The following CRPPA variants were observed in gnomAD, a reference collection of about 807,000 sequenced individuals.
CRPPA encodes CDP-L-ribitol pyrophosphorylase A.
CRPPA carries 43 observed loss-of-function variants against 52.0 expected under a neutral mutation model. The observed-to-expected ratio is 0.83, with a 90% confidence interval of 0.65 to 1.07. The LOEUF is 1.07. CRPPA is among the 50% of genes least tolerant of loss of function. The pLI, the probability that CRPPA is intolerant of heterozygous loss-of-function variation, is 0.00. For missense variants in CRPPA, 629 were observed against 551.7 expected (o/e 1.14, Z -1.40); for synonymous variants, 250 against 203.5 (o/e 1.23, Z -1.94).
At chr7:16,360,461 A>G (rs1388323849) in intron 3 of CRPPA, among the ~76,000 whole-genome samples, 4 of 152,194 alleles carry the variant, frequency 2.6e-5, no homozygotes, top group Admixed American at 2.6e-4. Context: ...CCTCATTTCA[A>G]ATGTTACTAT....
chr7:16,344,077 C>A (rs1327307578), intron 3 of CRPPA, among the ~76,000 whole-genome samples: 1 of 152,020 alleles, frequency 6.6e-6, no homozygotes, highest in Non-Finnish European at 1.5e-5. Context: ...TAAACAGCAA[C>A]AACAAAAAAT....
At chr7:16,369,014 G>T (rs1031692137) in intron 3 of CRPPA, among the ~76,000 whole-genome samples, 1 of 152,026 alleles carries the variant, frequency 6.6e-6, no homozygotes, top group Non-Finnish European at 1.5e-5. Flanking sequence ...CAATATTTAA[G>T]AACCTAATCC....
rs1158408178 is a variant in CRPPA, at chr7:16,180,553, C to T, written c.1251+35513G>A. On this transcript the variant is annotated intron_variant, in intron 9 of 9. Coordinates refer to ENST00000407010, the MANE Select transcript of CRPPA (RefSeq NM_001101426.4). ...CTAATTTCTCTAATCTCATTACATG[C>T]GCATGTGGCAAGCATTATGTTGTTC... 5.9e-5 allele frequency among the ~76,000 whole-genome samples: 9 copies of T among 151,928 alleles called. No individual in the cohort carries two copies. In the South Asian group the frequency reaches 6.2e-4, roughly 11 times the overall value.
chr7:16,390,757 G>C (rs1284666054), intron 2 of CRPPA, among the ~76,000 whole-genome samples: 8 of 152,188 alleles, frequency 5.3e-5, no homozygotes, highest in Non-Finnish European at 7.3e-5. Context: ...CAGTTTTGGA[G>C]AACTCCAATA....
chr7:16,379,003 A>T (rs1447742879), intron 2 of CRPPA, among the ~76,000 whole-genome samples: 3 of 152,066 alleles, frequency 2.0e-5, no homozygotes, highest in Non-Finnish European at 4.4e-5. Flanking sequence ...GATTCTGGAT[A>T]TTAGCCCTTT....
rs1378443504 is a variant in CRPPA at position 16,286,063 on chromosome 7, AT to A, written c.836-7838del. 4.0e-3 allele frequency among the ~76,000 whole-genome samples: 154 copies of A among 38,420 alleles called. 14 individuals carry two copies. Among genetic ancestry groups the A allele is most frequent in the African/African-American group, 0.022 (140 of 6,438 alleles). 25.2% of individuals were successfully genotyped at this position (38,420 alleles called of 152,430 possible). On this transcript the variant is annotated intron_variant, in intron 5 of 9. Coordinates refer to ENST00000407010, the MANE Select transcript of CRPPA (RefSeq NM_001101426.4). ...AATATAAATATATATATATATATAT[AT>A]ATATATATATATATATAATATTTAA...
intron 9 of CRPPA, among the ~76,000 whole-genome samples, chr7:16,162,070 T>C (rs1320736450): frequency 1.3e-5 from 2 of 152,122 alleles, no homozygotes; most frequent in Admixed American, 1.3e-4. Context: ...ATTTGATTCT[T>C]CTCTTTTCTT....
chr7:16,307,915 GAA>G (rs34460874), intron 4 of CRPPA, among the ~76,000 whole-genome samples: 81,479 of 131,146 alleles, frequency 0.62, 24,947 homozygotes, highest in Middle Eastern at 0.71. Flanking sequence ...ACTGAGTGAA[GAA>G]AAAAAAAAAA....
At chr7:16,259,399 T>C (rs17169374) in intron 6 of CRPPA, among the ~76,000 whole-genome samples, 4,004 of 152,068 alleles carry the variant, frequency 0.026, 126 homozygotes, top group East Asian at 0.14. Context: ...ACAGTTTTAA[T>C]ACAGGGAATA....
intron 8 of CRPPA, among the ~76,000 whole-genome samples, chr7:16,233,142 AG>A (rs1410811093): frequency 6.6e-6 from 1 of 152,100 alleles, no homozygotes; most frequent in Non-Finnish European, 1.5e-5. Flanking sequence ...TAAATTAAAC[AG>A]CAAAAAAAAA....
At chr7:16,407,647 T>C (rs1015240526) in intron 1 of CRPPA, among the ~76,000 whole-genome samples, 26 of 152,178 alleles carry the variant, frequency 1.7e-4, no homozygotes, top group Non-Finnish European at 7.3e-5. Context: ...CCCAGTAATG[T>C]CTCCTACCTC....
intron 9 of CRPPA, among the ~76,000 whole-genome samples, chr7:16,167,309 C>T (rs1187239484): frequency 2.0e-5 from 3 of 152,162 alleles, no homozygotes; most frequent in Non-Finnish European, 4.4e-5. Context: ...CTATTTCCTA[C>T]CTGTTTGGGT....
chr7:16,135,249 A>G (rs891149865), intron 9 of CRPPA, among the ~76,000 whole-genome samples: 2 of 152,236 alleles, frequency 1.3e-5, no homozygotes, highest in Non-Finnish European at 2.9e-5. Flanking sequence ...GGTTTTTAAT[A>G]AATCTAAGCA....
intron 9 of CRPPA, among the ~76,000 whole-genome samples, chr7:16,194,968 C>A (rs923576391): frequency 6.6e-6 from 1 of 151,604 alleles, no homozygotes; most frequent in Admixed American, 6.6e-5. Context: ...TGAAACAATT[C>A]CCCAGATCAT....
chr7:16,258,596 T>C (rs1258228830), intron 7 of CRPPA, 114 bp from the exon 8 acceptor site: 2 of 641,194 alleles, frequency 3.1e-6, no homozygotes, highest in East Asian at 6.0e-5. Context: ...TTATCAAACT[T>C]AGTTTTTAAT....
At chr7:16,406,478 T>A in intron 1 of CRPPA, 141 bp from the exon 2 acceptor site, 1 of 678,868 alleles carries the variant, frequency 1.5e-6, no homozygotes, top group South Asian at 2.0e-5. Context: ...TTATGCATTC[T>A]CGTTAGGTCC....
intron 9 of CRPPA, among the ~76,000 whole-genome samples, chr7:16,146,219 A>AG: frequency 6.6e-6 from 1 of 151,982 alleles, no homozygotes; most frequent in Admixed American, 6.5e-5. Flanking sequence ...AAAAAAAAAA[A>AG]CCTACCAACC....
At chr7:16,098,901 C>G (rs887316303) in intron 9 of CRPPA, among the ~76,000 whole-genome samples, 1 of 152,168 alleles carries the variant, frequency 6.6e-6, no homozygotes, top group South Asian at 2.1e-4. Flanking sequence ...GAAACATTTT[C>G]CTCTTGCTCC....
At chr7:16,419,013 T>C (rs773639664) in intron 1 of CRPPA, among the ~76,000 whole-genome samples, 2 of 152,234 alleles carry the variant, frequency 1.3e-5, no homozygotes, top group Non-Finnish European at 2.9e-5. Flanking sequence ...CAGAAATGCC[T>C]TCATATATGA....
Sources: gnomAD v4.1 joint callset for allele counts (sites outside exome capture counted in the v4.1 genomes callset) on GRCh38, gnomAD v4.1.1 for gene constraint, MANE v1.5 for transcripts, NCBI Gene and HGNC (gene_info 2026-07-23, HGNC 2026-07-21) for gene names.